DYNC1I1: variants seen among roughly 807,000 people sequenced by gnomAD.
The protein encoded by DYNC1I1 is dynein cytoplasmic 1 intermediate chain 1, also known as cytoplasmic dynein 1 intermediate chain 1.
DYNC1I1 carries 43 observed loss-of-function variants against 86.6 expected under a neutral mutation model. The observed-to-expected ratio is 0.50, with a 90% CI of 0.39 to 0.64. The LOEUF is 0.64. Ranked by LOEUF, DYNC1I1 falls within the 30% of genes least tolerant of loss-of-function variation. DYNC1I1 has a pLI of 0.00. For synonymous variants in DYNC1I1, 262 were observed against 283.7 expected, an observed-to-expected ratio of 0.92 and a Z score of 0.77; for missense variants, 604 against 788.8, an observed-to-expected ratio of 0.77 and a Z score of 2.81.
intron 6 of DYNC1I1, among the ~76,000 whole-genome samples, chr7:95,876,264 G>A (rs571047970): frequency 6.6e-6 from 1 of 152,144 alleles, no homozygotes; most frequent in East Asian, 1.9e-4. Context: ...GCTCCTATCT[G>A]GAAATAAATT....
chr7:95,959,431 G>A (rs1311241237), intron 6 of DYNC1I1, among the ~76,000 whole-genome samples: 1 of 152,130 alleles, frequency 6.6e-6, no homozygotes, highest in African/African-American at 2.4e-5. Flanking sequence ...GAGGAGAACG[G>A]GGAAGGAAAT....
At position 96,051,395 on chromosome 7, in the gene DYNC1I1, C is replaced by T. The variant is rs569529024; in HGVS notation, c.1509+11974C>T. On this transcript the variant is annotated intron_variant, in intron 14 of 16. Transcript: ENST00000447467. Reference sequence around the variant, plus strand: ...GTCTTAAAATTCAATTCCATTATGTCGACTGATCAGGTATATGGCCTAACT... The same window carrying T: ...GTCTTAAAATTCAATTCCATTATGTTGACTGATCAGGTATATGGCCTAACT... Among the ~76,000 whole-genome samples the T allele has an allele frequency of 2.6e-4, 39 of 152,240 alleles. 1 individual carries two copies. The South Asian group carries it at 6.8e-3, about 27-fold the overall frequency.
chr7:95,883,160 G>A (rs1471517195), intron 6 of DYNC1I1, among the ~76,000 whole-genome samples: 1 of 152,148 alleles, frequency 6.6e-6, no homozygotes, highest in Non-Finnish European at 1.5e-5. Flanking sequence ...TGCAACCATG[G>A]TTTGAGGCTG....
chr7:96,040,400 G>A (rs1385548707), intron 14 of DYNC1I1, among the ~76,000 whole-genome samples: 1 of 152,126 alleles, frequency 6.6e-6, no homozygotes, highest in Non-Finnish European at 1.5e-5. Context: ...AGAAATAAAT[G>A]CATTTGAGAA....
chr7:96,041,586 C>T (rs899515534), intron 14 of DYNC1I1, among the ~76,000 whole-genome samples: 1 of 152,124 alleles, frequency 6.6e-6, no homozygotes, highest in African/African-American at 2.4e-5. Context: ...CAGTACAGTG[C>T]TGTGTGAATC....
chr7:95,810,406 GAAGA>G lies in DYNC1I1; in HGVS notation c.129_132del (p.Lys43AsnfsTer31). On this transcript the variant is annotated frameshift_variant, in exon 3 of 17. Transcript: ENST00000447467. LOFTEE classifies it high-confidence loss of function. ...TCTACTTCTAGGCTGATATGCAGCAGAAGAAAGAACCCGTTCAGGACGACTCTGA... is the reference window on the plus strand; with the variant it reads ...TCTACTTCTAGGCTGATATGCAGCAGAAGAACCCGTTCAGGACGACTCTGA... The G allele has an allele frequency of 6.2e-7, 1 of 1,609,432 alleles. No individual in the cohort carries two copies. The highest frequency in any genetic ancestry group is 2.2e-5 in the East Asian group (1 of 44,724).
intron 14 of DYNC1I1, among the ~76,000 whole-genome samples, chr7:96,067,433 T>C (rs1164511291): frequency 6.6e-6 from 1 of 151,464 alleles, no homozygotes; most frequent in Non-Finnish European, 1.5e-5. Flanking sequence ...ATCAAATTCT[T>C]TTCTTTCTTT....
In DYNC1I1 at chr7:95,805,158, T is replaced by A. The variant is rs569940238; in HGVS notation, c.108+321T>A. ...ACTTCTTAACCTTTCTGTGCCTCAG[T>A]TTCCTATTTTTAATATGAGAACAAT... On this transcript the variant is annotated intron_variant, in intron 2 of 16. Transcript: ENST00000447467. Among the ~76,000 whole-genome samples, 11 of 152,282 alleles carry A rather than the reference T, an allele frequency of 7.2e-5. No homozygotes were observed. The South Asian group carries it at 2.3e-3, about 32-fold the overall frequency.
chr7:95,946,099 C>A (rs1792391169), intron 6 of DYNC1I1, among the ~76,000 whole-genome samples: 1 of 151,718 alleles, frequency 6.6e-6, no homozygotes, highest in Admixed American at 6.6e-5. Context: ...GGGAACTGAA[C>A]AATGAGAACA....
rs1319543777 is a variant in DYNC1I1, at chr7:95,937,014, AAAG to A, written c.491-40492_491-40490del. Among the ~76,000 whole-genome samples the A allele has an allele frequency of 5.5e-5, 8 of 145,352 alleles. No individual in the cohort carries two copies. In the South Asian group the frequency reaches 6.7e-4, roughly 12 times the overall value. On this transcript the variant is annotated intron_variant, in intron 6 of 16. Coordinates refer to ENST00000447467, the MANE Select transcript of DYNC1I1 (RefSeq NM_001135556.2). ...CAAATACTATTCAGCAATTACAAAA[AAAG>A]AAGAAATTTGCAACATGAATGAAAC...
chr7:95,880,054 A>C (rs1300386671), intron 6 of DYNC1I1, among the ~76,000 whole-genome samples: 1 of 152,122 alleles, frequency 6.6e-6, no homozygotes, highest in East Asian at 1.9e-4. Flanking sequence ...AGTAACTTAT[A>C]ATTGTCAGCC....
At chr7:95,806,596 A>G (rs1383956028) in intron 2 of DYNC1I1, among the ~76,000 whole-genome samples, 3 of 152,126 alleles carry the variant, frequency 2.0e-5, no homozygotes, top group Non-Finnish European at 4.4e-5. Flanking sequence ...TTCTAAACTG[A>G]CTTGGTGATT....
chr7:96,035,132 T>C (rs1794900379), intron 12 of DYNC1I1, among the ~76,000 whole-genome samples: 1 of 152,242 alleles, frequency 6.6e-6, no homozygotes, highest in African/African-American at 2.4e-5. Flanking sequence ...CTAGTCCCTG[T>C]TGAAATCTGG....
intron 5 of DYNC1I1, among the ~76,000 whole-genome samples, chr7:95,839,052 A>G (rs1349874488): frequency 2.0e-5 from 3 of 152,074 alleles, no homozygotes; most frequent in Admixed American, 1.3e-4. Context: ...ATTTTTTGAG[A>G]CAGAGTCTTG....
At chr7:96,102,967 T>C (rs2116346835), downstream of DYNC1I1, among the ~76,000 whole-genome samples, 1 of 152,298 alleles carries the variant, frequency 6.6e-6, no homozygotes, top group East Asian at 1.9e-4. Flanking sequence ...TAAAGTTGAA[T>C]AGAACTAAAA....
intron 10 of DYNC1I1, among the ~76,000 whole-genome samples, chr7:96,022,853 G>C (rs1267501201): frequency 6.6e-6 from 1 of 151,696 alleles, no homozygotes; most frequent in East Asian, 1.9e-4. Context: ...CTGGGTGACA[G>C]AGCAAGACCT....
chr7:95,808,361 C>T (rs1231594398), intron 2 of DYNC1I1, among the ~76,000 whole-genome samples: 5 of 152,090 alleles, frequency 3.3e-5, no homozygotes, highest in African/African-American at 1.2e-4. Flanking sequence ...ATTAGGACCA[C>T]CCAAGTTGAT....
chr7:95,933,696 G>T (rs1318406828), intron 6 of DYNC1I1, among the ~76,000 whole-genome samples: 1 of 152,004 alleles, frequency 6.6e-6, no homozygotes, highest in African/African-American at 2.4e-5. Flanking sequence ...CTGCACTGAA[G>T]GCAGTGACAC....
intron 10 of DYNC1I1, among the ~76,000 whole-genome samples, chr7:96,019,958 C>T (rs1175714044): frequency 1.3e-5 from 2 of 151,912 alleles, no homozygotes; most frequent in Non-Finnish European, 2.9e-5. Context: ...TTCAAATCTT[C>T]CAACAGCCCC....
Sources: allele counts gnomAD v4.1 joint callset (sites outside exome capture counted in the v4.1 genomes callset), GRCh38; gene constraint gnomAD v4.1.1; transcripts MANE v1.5; gene names NCBI Gene and HGNC (gene_info 2026-07-23, HGNC 2026-07-21).